Variants in SPAM1 observed in about 807,000 individuals in gnomAD.
SPAM1 encodes sperm adhesion molecule 1, also known as hyaluronidase PH-20.
A neutral mutation model predicts 29.6 loss-of-function variants in SPAM1; 22 were observed. The observed-to-expected ratio is 0.74, with a 90% confidence interval of 0.53 to 1.06. The LOEUF (loss-of-function observed/expected upper bound fraction) is 1.06, where lower values mean the gene tolerates loss of function less well. Among genes scored for constraint, SPAM1 ranks in the 50% least tolerant of loss-of-function variants. SPAM1 has a pLI of 0.00. For synonymous variants in SPAM1, 194 were observed against 204.6 expected, an observed-to-expected ratio of 0.95 and a Z score of 0.44; for missense variants, 534 against 604.0, an observed-to-expected ratio of 0.88 and a Z score of 1.21.
intron 1 of SPAM1, among the ~76,000 whole-genome samples, chr7:123,934,215 A>C (rs990054826): frequency 2.0e-4 from 31 of 152,294 alleles, no homozygotes; most frequent in African/African-American, 7.5e-4. Flanking sequence ...CTTGTTATTA[A>C]GGGATGCATA....
intron 4 of SPAM1, among the ~76,000 whole-genome samples, chr7:123,958,201 C>T (rs555341851): frequency 1.3e-5 from 2 of 152,122 alleles, no homozygotes; most frequent in East Asian, 3.9e-4. Flanking sequence ...GATTCCTTCA[C>T]ATGCCTGCAT....
intron 5 of SPAM1, among the ~76,000 whole-genome samples, chr7:123,967,683 A>G (rs1189161104): frequency 4.6e-5 from 7 of 151,844 alleles, no homozygotes; most frequent in African/African-American, 1.7e-4. Context: ...GCTAAAATGC[A>G]AGAAGGAAGG....
At chr7:123,939,807 T>C (rs1011040314) in intron 1 of SPAM1, among the ~76,000 whole-genome samples, 3 of 152,146 alleles carry the variant, frequency 2.0e-5, no homozygotes, top group African/African-American at 7.2e-5. Context: ...CAGATTACTC[T>C]TGGGGGTTCC....
chr7:123,948,213 A>C (rs1239608690), intron 1 of SPAM1, among the ~76,000 whole-genome samples: 1 of 152,164 alleles, frequency 6.6e-6, no homozygotes, highest in Admixed American at 6.5e-5. Context: ...ATGTGCTTTC[A>C]GGGATATTAC....
At chr7:123,933,885 T>G (rs1266879196) in intron 1 of SPAM1, among the ~76,000 whole-genome samples, 1 of 152,108 alleles carries the variant, frequency 6.6e-6, no homozygotes, top group African/African-American at 2.4e-5. Context: ...ACCATGGTGG[T>G]CCCATACGAT....
At chr7:123,967,599 C>A (rs1792444860) in intron 5 of SPAM1, among the ~76,000 whole-genome samples, 1 of 151,350 alleles carries the variant, frequency 6.6e-6, no homozygotes, top group Admixed American at 6.6e-5. Flanking sequence ...TGTGTGTGTG[C>A]ATGTGTGCAC....
At chr7:123,965,897 T>C (rs1792418356) in intron 5 of SPAM1, among the ~76,000 whole-genome samples, 1 of 151,982 alleles carries the variant, frequency 6.6e-6, no homozygotes, top group African/African-American at 2.4e-5. Flanking sequence ...TTGGGCGATA[T>C]GGCCATTTTA....
At chr7:123,957,574 A>G (rs1443084410) in intron 4 of SPAM1, among the ~76,000 whole-genome samples, 1 of 152,032 alleles carries the variant, frequency 6.6e-6, no homozygotes, top group African/African-American at 2.4e-5. Context: ...TTGCTTTCAT[A>G]AAAATTACAA....
At chr7:123,958,070 A>G (rs145265057) in intron 4 of SPAM1, among the ~76,000 whole-genome samples, 28 of 152,146 alleles carry the variant, frequency 1.8e-4, no homozygotes, top group African/African-American at 6.5e-4. Flanking sequence ...ATAAGTTCAC[A>G]TTGTCACAGG....
At chr7:123,964,941 A>T (rs1418486071), downstream of SPAM1, among the ~76,000 whole-genome samples, 1 of 152,048 alleles carries the variant, frequency 6.6e-6, no homozygotes, top group Non-Finnish European at 1.5e-5. Context: ...CTGTTTCCAC[A>T]TGATGCTGAC....
At chr7:123,955,893 G>A (rs1296821331) in intron 4 of SPAM1, among the ~76,000 whole-genome samples, 2 of 151,854 alleles carry the variant, frequency 1.3e-5, no homozygotes, top group Non-Finnish European at 2.9e-5. Flanking sequence ...GAAAATCATT[G>A]TAAAATGATA....
intron 1 of SPAM1, among the ~76,000 whole-genome samples, chr7:123,937,384 A>C (rs191969822): frequency 1.3e-5 from 2 of 151,998 alleles, no homozygotes; most frequent in Admixed American, 6.6e-5. Context: ...GGCGGATCAC[A>C]AAGTCAGGAG....
chr7:123,937,329 C>T lies in SPAM1; in HGVS notation c.-319+11977C>T, dbSNP rs147321057. On this transcript the variant is annotated intron_variant, in intron 1 of 4. Transcript: ENST00000682466. Reference sequence around the variant, plus strand: ...TTAAAAAAACACTTCAGGCCGGGCGCGGTGGCTCACGCCTGTAATCCCAGC... The same window carrying T: ...TTAAAAAAACACTTCAGGCCGGGCGTGGTGGCTCACGCCTGTAATCCCAGC... Among the ~76,000 whole-genome samples, 200 of 152,196 alleles carry T rather than the reference C, an allele frequency of 1.3e-3. No homozygotes were observed. In the East Asian group the frequency reaches 0.014, roughly 10 times the overall value.
exon 6 of SPAM1, chr7:123,970,222 G>A: frequency 1.3e-6 from 2 of 1,549,128 alleles, no homozygotes; most frequent in Non-Finnish European, 1.7e-6. Flanking sequence ...CTGGGATCAA[G>A]GTATTAGCAG....
At position 123,937,561 on chromosome 7, in the gene SPAM1, A is replaced by C. The variant is rs546961526; in HGVS notation, c.-319+12209A>C. ...GCTTGCAGTGAGCCGAGATCGCGCC[A>C]CTGCACTCCAGCCTGGGCAACAGAG... On this transcript the variant is annotated intron_variant, in intron 1 of 4. Coordinates refer to ENST00000682466, the MANE Select transcript of SPAM1 (RefSeq NM_153189.3). Among the ~76,000 whole-genome samples the C allele has an allele frequency of 3.5e-5, 5 of 141,454 alleles. No individual in the cohort carries two copies. In the South Asian group the frequency reaches 6.9e-4, roughly 20 times the overall value. 92.8% of individuals were successfully genotyped at this position (141,454 alleles called of 152,430 possible).
intron 4 of SPAM1, among the ~76,000 whole-genome samples, chr7:123,957,665 A>G (rs958583905): frequency 6.6e-6 from 1 of 152,056 alleles, no homozygotes; most frequent in Non-Finnish European, 1.5e-5. Context: ...ATGGGTTTCA[A>G]TGGAATAAAA....
chr7:123,959,851 C>A lies in SPAM1; in HGVS notation c.1412C>A (p.Pro471His), dbSNP rs1456744859. 1 of 1,613,036 alleles carries A rather than the reference C, an allele frequency of 6.2e-7. No individual in the cohort carries two copies. The highest frequency in any genetic ancestry group is 2.2e-5 in the East Asian group (1 of 44,836). Reference sequence around the variant, plus strand: ...GTCTGTATAGATGCTTTTCTAAAACCTCCCATGGAGACAGAAGAACCTCAA... The same window carrying A: ...GTCTGTATAGATGCTTTTCTAAAACATCCCATGGAGACAGAAGAACCTCAA... The part of the protein sequence containing the change: ...DGVCIDAFLK[P>H]PMETEEPQIF... The change falls in exon 5 of 5, where the codon CCT becomes CAT. Residue 471 changes from proline (P) to histidine (H), a missense_variant. Physicochemically the swap from Pro to His is moderately conservative, Grantham distance 77. Coordinates refer to ENST00000682466, the MANE Select transcript of SPAM1 (RefSeq NM_153189.3).
intron 1 of SPAM1, among the ~76,000 whole-genome samples, chr7:123,948,388 C>T (rs896686551): frequency 4.3e-4 from 66 of 152,240 alleles, no homozygotes; most frequent in African/African-American, 1.6e-3. Flanking sequence ...AACTTGGGGC[C>T]TACCGCTCAT....
chr7:123,946,911 G>A (rs935447375), intron 1 of SPAM1, among the ~76,000 whole-genome samples: 1 of 152,070 alleles, frequency 6.6e-6, no homozygotes, highest in African/African-American at 2.4e-5. Flanking sequence ...TTGTTTGGTA[G>A]GTGTGTAGCT....
Sources: allele counts gnomAD v4.1 joint callset (sites outside exome capture counted in the v4.1 genomes callset), GRCh38; gene constraint gnomAD v4.1.1; transcripts MANE v1.5; gene names NCBI Gene and HGNC (gene_info 2026-07-23, HGNC 2026-07-21).